TFEB: variants seen among roughly 807,000 people sequenced by gnomAD.
TFEB encodes T-cell transcription factor EB.
A neutral mutation model predicts 48.0 loss-of-function variants in TFEB; 12 were observed. The observed-to-expected ratio is 0.25, with a 90% CI of 0.16 to 0.40. The LOEUF (loss-of-function observed/expected upper bound fraction) is 0.40, where lower values mean the gene tolerates loss of function less well. TFEB is among the 10% of genes least tolerant of loss of function. The probability of loss-of-function intolerance (pLI) is 1.00; values close to 1 mark genes in which losing one functional copy is unlikely to be tolerated. For synonymous variants in TFEB, 244 were observed against 261.4 expected (o/e 0.93, Z 0.64); for missense variants, 509 against 640.3 (o/e 0.79, Z 2.21).
intron 1 of TFEB, chr6:41,733,663 C>G: frequency 2.0e-6 from 2 of 985,458 alleles, no homozygotes; most frequent in Non-Finnish European, 2.4e-6. Flanking sequence ...TGAAAGCATA[C>G]CGTCAGGTTA....
chr6:41,703,254 G>A (rs1488942459), intron 1 of TFEB, among the ~76,000 whole-genome samples: 1 of 152,218 alleles, frequency 6.6e-6, no homozygotes. Context: ...CACACAGCGG[G>A]CATGCAGAGC....
intron 1 of TFEB, among the ~76,000 whole-genome samples, chr6:41,729,662 A>C (rs1385087397): frequency 6.6e-6 from 1 of 152,212 alleles, no homozygotes; most frequent in African/African-American, 2.4e-5. Flanking sequence ...CACAGTTTTA[A>C]GCACTTGTCC....
At position 41,687,088 on chromosome 6, in the gene TFEB, G is replaced by C; in HGVS notation, c.803+6C>G. 1 of 1,613,928 alleles carries C rather than the reference G, an allele frequency of 6.2e-7. No homozygotes were observed. Among genetic ancestry groups the C allele is most frequent in the South Asian group, 1.1e-5 (1 of 91,060 alleles). On this transcript the variant is annotated splice_donor_region_variant and intron_variant, in intron 7 of 8. Coordinates refer to ENST00000373033, the MANE Select transcript of TFEB (RefSeq NM_001271944.2). Reference sequence around the variant, plus strand: ...CCATCACCCTCCCCCTCAGAAACCTGCTCACAGGTCATTGGCCTTGGGGAT... The same window carrying C: ...CCATCACCCTCCCCCTCAGAAACCTCCTCACAGGTCATTGGCCTTGGGGAT...
intron 1 of TFEB, among the ~76,000 whole-genome samples, chr6:41,699,332 G>T (rs1769772907): frequency 6.6e-6 from 1 of 152,196 alleles, no homozygotes; most frequent in African/African-American, 2.4e-5. Context: ...GTTCCTTTGG[G>T]GAAAGTGTCC....
chr6:41,689,610 C>T (rs1769188542), intron 4 of TFEB, 121 bp downstream of exon 4: 3 of 730,106 alleles, frequency 4.1e-6, no homozygotes, highest in Admixed American at 5.1e-5. Flanking sequence ...CTCATCTCTA[C>T]AGAAACATGC....
At chr6:41,722,531 T>G (rs1476934458) in intron 1 of TFEB, among the ~76,000 whole-genome samples, 5 of 152,362 alleles carry the variant, frequency 3.3e-5, no homozygotes, top group Non-Finnish European at 1.5e-5. Flanking sequence ...TCTCCCTCAC[T>G]GATATAGCTG....
intron 1 of TFEB, among the ~76,000 whole-genome samples, chr6:41,706,764 AGT>A (rs1028900712): frequency 8.6e-5 from 13 of 151,754 alleles, no homozygotes; most frequent in African/African-American, 3.1e-4. Flanking sequence ...CAGCCCACCA[AGT>A]CACCCACCCA....
intron 1 of TFEB, among the ~76,000 whole-genome samples, chr6:41,696,723 A>G (rs1769606602): frequency 6.6e-6 from 1 of 152,152 alleles, no homozygotes; most frequent in South Asian, 2.1e-4. Context: ...AATAAATTGA[A>G]GTGGTGGTAC....
intron 1 of TFEB, among the ~76,000 whole-genome samples, chr6:41,717,195 G>T (rs1025081220): frequency 9.2e-5 from 14 of 152,290 alleles, no homozygotes; most frequent in Admixed American, 9.1e-4. Flanking sequence ...GAGTCAGCTA[G>T]ACCGGCCCAC....
Position 41,697,408 on chromosome 6 carries a change from CA to C in TFEB, c.-22-6174del, listed in dbSNP as rs56059829. Among the ~76,000 whole-genome samples, 41 of 63,506 alleles carry C rather than the reference CA, an allele frequency of 6.5e-4. 2 individuals are homozygous for C. The highest frequency in any genetic ancestry group is 2.6e-3 in the South Asian group (4 of 1,526). The allele number at this position is 63,506 out of a possible 152,430, so 41.7% of individuals were successfully genotyped here. ...GGGCAACAAGAGTGAAACTCCATCT[CA>C]AAAAAAAAAAAAAAAAAAGAATGAG... On this transcript the variant is annotated intron_variant, in intron 1 of 8. Transcript: ENST00000373033.
intron 1 of TFEB, among the ~76,000 whole-genome samples, chr6:41,727,299 A>C (rs751271050): frequency 6.6e-6 from 1 of 152,194 alleles, no homozygotes; most frequent in Non-Finnish European, 1.5e-5. Context: ...GAAGGAGAGA[A>C]GGGGAGACAA....
intron 1 of TFEB, among the ~76,000 whole-genome samples, chr6:41,705,168 C>A (rs950950284): frequency 2.6e-5 from 4 of 152,194 alleles, no homozygotes; most frequent in African/African-American, 9.7e-5. Flanking sequence ...ACAGTGTGTG[C>A]CTGGGCCTGT....
intron 1 of TFEB, among the ~76,000 whole-genome samples, chr6:41,709,320 T>C (rs1394395784): frequency 6.6e-6 from 1 of 152,200 alleles, no homozygotes; most frequent in Non-Finnish European, 1.5e-5. Context: ...ATTCCCAGGG[T>C]CGCAGTATCC....
chr6:41,709,976 T>A (rs1046856070), intron 1 of TFEB, among the ~76,000 whole-genome samples: 2 of 151,986 alleles, frequency 1.3e-5, no homozygotes, highest in African/African-American at 2.4e-5. Flanking sequence ...TTTGTAGAGA[T>A]GGGGGTCTCA....
In TFEB at chr6:41,686,145, T is replaced by C; in HGVS notation, c.896A>G (p.Glu299Gly). Residue 299 changes from glutamate to glycine, a missense_variant, in exon 8 of 9, where the codon GAG (glutamate) becomes GGG (glycine). Glu to Gly is a moderately conservative substitution (Grantham distance 98, BLOSUM62 -2). Transcript: ENST00000373033. ...CATCTCCAGGCGGCGAGAGTGGTTC[T>C]CCAGCTCCCTGGACTTTTGCAGGTC... The part of the protein sequence containing the change: ...QKDLQKSREL[E>G]NHSRRLEMTN... 1 of 1,614,258 alleles carries C rather than the reference T, an allele frequency of 6.2e-7. No individual in the cohort carries two copies. The highest frequency in any genetic ancestry group is 8.5e-7 in the Non-Finnish European group (1 of 1,180,042).
At chr6:41,694,132 A>G (rs1481204283) in intron 1 of TFEB, among the ~76,000 whole-genome samples, 4 of 152,172 alleles carry the variant, frequency 2.6e-5, no homozygotes, top group African/African-American at 9.7e-5. Flanking sequence ...CAAAGAGCTG[A>G]GCGTCTGGCC....
chr6:41,725,486 C>A (rs1771165916), intron 1 of TFEB, among the ~76,000 whole-genome samples: 1 of 152,224 alleles, frequency 6.6e-6, no homozygotes, highest in South Asian at 2.1e-4. Flanking sequence ...CTCTGTGGTT[C>A]AGTACCCTCT....
At chr6:41,708,403 A>G (rs930697417) in intron 1 of TFEB, among the ~76,000 whole-genome samples, 52 of 152,208 alleles carry the variant, frequency 3.4e-4, no homozygotes, top group South Asian at 2.1e-4. Flanking sequence ...GCCCACCTGA[A>G]GATTTCCAGG....
rs1432127180 is a variant in TFEB, at chr6:41,713,470, C to T, written c.-23+21880G>A. ...GCAGGATTCAGAGAGACTTGATCCC[C>T]TCCGGTCCCTACGCTGACTCACTCT... On this transcript the variant is annotated intron_variant, in intron 1 of 8. Coordinates refer to ENST00000373033, the MANE Select transcript of TFEB (RefSeq NM_001271944.2). 2.6e-4 allele frequency among the ~76,000 whole-genome samples: 39 copies of T among 152,192 alleles called. 1 individual carries two copies. Among genetic ancestry groups the T allele is most frequent in the Admixed American group, 2.6e-3 (39 of 15,290 alleles).
Sources: gnomAD v4.1 joint callset for allele counts (sites outside exome capture counted in the v4.1 genomes callset) on GRCh38, gnomAD v4.1.1 for gene constraint, MANE v1.5 for transcripts, NCBI Gene and HGNC (gene_info 2026-07-23, HGNC 2026-07-21) for gene names.